The following PDE12 variants were observed in gnomAD, a reference collection of about 807,000 sequenced individuals.
The protein encoded by PDE12 is phosphodiesterase 12.
In PDE12, 26 loss-of-function variants were observed where a neutral mutation model predicts 45.4. The ratio of observed to expected loss-of-function variants is 0.57; its 90% CI spans 0.42 to 0.79. PDE12 has a LOEUF of 0.79. PDE12 is among the 30% of genes least tolerant of loss of function. The pLI is 0.00. For missense variants in PDE12, 668 were observed against 790.0 expected (o/e 0.85, Z 1.85); for synonymous variants, 283 against 323.9 (o/e 0.87, Z 1.36).
At chr3:57,597,424 C>T in the PDE12 span, 10 of 288,106 alleles carry the variant, frequency 3.5e-5, no homozygotes, top group Admixed American at 1.5e-4. Context: ...CAGCAGCGGC[C>T]CGGCCCCTCC....
chr3:57,653,744 TAAAA>T, the PDE12 span, among the ~76,000 whole-genome samples: 1 of 84,712 alleles, frequency 1.2e-5, no homozygotes, highest in Admixed American at 1.4e-4. Flanking sequence ...AGACTCCATC[TAAAA>T]AAAAAAAAAA....
At chr3:57,597,237 AAGAG>A in the PDE12 span, 1 of 1,207,342 alleles carries the variant, frequency 8.3e-7, no homozygotes, top group South Asian at 1.3e-5. Flanking sequence ...AACGAGAGGG[AAGAG>A]AAAGAGCGGA....
chr3:57,561,416 T>A lies in PDE12; in HGVS notation c.*1412T>A, dbSNP rs1440590703. 1.0e-6 allele frequency: 1 copy of A among 972,018 alleles called. No homozygotes were observed. The highest frequency in any genetic ancestry group is 1.8e-5 in the African/African-American group (1 of 56,898). 60.2% of individuals were successfully genotyped at this position (972,018 alleles called of 1,614,324 possible). On this transcript the variant is annotated 3_prime_UTR_variant, in exon 3 of 3. Coordinates refer to ENST00000311180, the MANE Select transcript of PDE12 (RefSeq NM_177966.7). ...AGTTTGAGTTACAGACAACAGTGTG[T>A]ATATATGTAATATATATATAGTAAA...
chr3:57,601,913 T>C, the PDE12 span, among the ~76,000 whole-genome samples: 1 of 140,532 alleles, frequency 7.1e-6, no homozygotes, highest in East Asian at 2.0e-4. Flanking sequence ...CCCGGCTAAT[T>C]TTTTTTTTTT....
the PDE12 span, among the ~76,000 whole-genome samples, chr3:57,649,072 A>G: frequency 6.6e-6 from 1 of 152,200 alleles, no homozygotes; most frequent in African/African-American, 2.4e-5. Flanking sequence ...TAAACAGACA[A>G]CTCACAGAAT....
the PDE12 span, among the ~76,000 whole-genome samples, chr3:57,615,420 C>A: frequency 2.6e-5 from 4 of 151,938 alleles, no homozygotes. Flanking sequence ...AGAAGATGGT[C>A]TCATGTCAAC....
the PDE12 span, among the ~76,000 whole-genome samples, chr3:57,609,172 G>A: frequency 2.0e-5 from 3 of 152,148 alleles, no homozygotes; most frequent in Non-Finnish European, 4.4e-5. Flanking sequence ...AAATAAAGAT[G>A]TTCTTTGAAA....
the PDE12 span, among the ~76,000 whole-genome samples, chr3:57,610,031 C>A: frequency 6.6e-6 from 1 of 152,108 alleles, no homozygotes; most frequent in Non-Finnish European, 1.5e-5. Context: ...AAAAGCTTAT[C>A]CATCATAATC....
At chr3:57,604,281 C>T in the PDE12 span, among the ~76,000 whole-genome samples, 4 of 151,964 alleles carry the variant, frequency 2.6e-5, no homozygotes, top group African/African-American at 7.3e-5. Flanking sequence ...AACATAGAAA[C>T]GAGAGAATTA....
chr3:57,596,833 C>T, the PDE12 span: 2 of 512,984 alleles, frequency 3.9e-6, no homozygotes, highest in Non-Finnish European at 3.5e-6. Context: ...GAGAAAAAGC[C>T]GAGTCCAGAA....
chr3:57,616,351 AAGGAGG>A, the PDE12 span, among the ~76,000 whole-genome samples: 1,905 of 149,256 alleles, frequency 0.013, 49 homozygotes, highest in African/African-American at 0.044. Flanking sequence ...AGAAGAAGAA[AAGGAGG>A]AGGAGGAGGA....
chr3:57,579,668 A>G, the PDE12 span, among the ~76,000 whole-genome samples: 1 of 152,140 alleles, frequency 6.6e-6, no homozygotes, highest in Non-Finnish European at 1.5e-5. Flanking sequence ...CTTATTTTAC[A>G]TCCATTAAAT....
the PDE12 span, among the ~76,000 whole-genome samples, chr3:57,605,997 A>C: frequency 2.0e-5 from 3 of 152,180 alleles, no homozygotes; most frequent in Non-Finnish European, 4.4e-5. Flanking sequence ...TGAGCTGTGA[A>C]ATAGCCTCAA....
chr3:57,568,233 G>A (rs1313538271), downstream of PDE12, among the ~76,000 whole-genome samples: 2 of 152,000 alleles, frequency 1.3e-5, no homozygotes, highest in Non-Finnish European at 2.9e-5. Flanking sequence ...GGAGGCCTAG[G>A]TGGGTGGATC....
the PDE12 span, among the ~76,000 whole-genome samples, chr3:57,608,587 C>T: frequency 6.6e-6 from 1 of 151,780 alleles, no homozygotes. Flanking sequence ...GGGTTGCAAT[C>T]CTAGTCTCTG....
chr3:57,602,602 G>A, the PDE12 span, among the ~76,000 whole-genome samples: 1 of 151,958 alleles, frequency 6.6e-6, no homozygotes, highest in African/African-American at 2.4e-5. Context: ...CCAGAGTCTC[G>A]CTCTGCTGCC....
chr3:57,585,728 T>C, the PDE12 span, among the ~76,000 whole-genome samples: 1 of 145,576 alleles, frequency 6.9e-6, no homozygotes. Context: ...AATGGTGCAA[T>C]ATCAGCTCAC....
downstream of PDE12, among the ~76,000 whole-genome samples, chr3:57,570,579 G>A (rs1387173110): frequency 6.6e-6 from 1 of 151,620 alleles, no homozygotes; most frequent in Non-Finnish European, 1.5e-5. Flanking sequence ...TTTGATTTTG[G>A]AATTTTCAAT....
chr3:57,605,672 C>G, the PDE12 span, among the ~76,000 whole-genome samples: 1 of 152,214 alleles, frequency 6.6e-6, no homozygotes, highest in South Asian at 2.1e-4. Context: ...AGGTAAAATT[C>G]TGGCATCTAA....
Sources: allele counts gnomAD v4.1 joint callset (sites outside exome capture counted in the v4.1 genomes callset), GRCh38; gene constraint gnomAD v4.1.1; transcripts MANE v1.5; gene names NCBI Gene and HGNC (gene_info 2026-07-23, HGNC 2026-07-21).